SH3GL2: variants seen among roughly 807,000 people sequenced by gnomAD.
The protein encoded by SH3GL2 is SH3 domain containing GRB2 like 2, endophilin A1.
Under a neutral mutation model 46.0 loss-of-function variants are expected in SH3GL2, and 24 were observed. That is an observed-to-expected ratio of 0.52 (90% CI 0.38 to 0.73). The LOEUF (loss-of-function observed/expected upper bound fraction) is 0.73. Ranked by LOEUF, SH3GL2 falls within the 30% of genes least tolerant of loss-of-function variation. The pLI, the probability that SH3GL2 is intolerant of heterozygous loss-of-function variation, is 0.00. For synonymous variants in SH3GL2, 196 were observed against 147.1 expected, an observed-to-expected ratio of 1.33 and a Z score of -2.40; for missense variants, 413 against 424.2, an observed-to-expected ratio of 0.97 and a Z score of 0.23.
chr9:17,779,971 G>T (rs571678843), intron 3 of SH3GL2, among the ~76,000 whole-genome samples: 2 of 152,298 alleles, frequency 1.3e-5, no homozygotes, highest in African/African-American at 4.8e-5. Flanking sequence ...GACGAACACA[G>T]TGGTTCTCAA....
At chr9:17,748,960 T>A (rs766030063) in intron 2 of SH3GL2, among the ~76,000 whole-genome samples, 4 of 151,954 alleles carry the variant, frequency 2.6e-5, no homozygotes, top group Admixed American at 1.3e-4. Flanking sequence ...AGAGGCAGGG[T>A]CCTGTGAAAT....
At chr9:17,589,232 C>G (rs561766895) in intron 1 of SH3GL2, 6 of 152,228 alleles carry the variant, frequency 3.9e-5, no homozygotes, top group Non-Finnish European at 7.3e-5. Flanking sequence ...ATGGGGCGAT[C>G]ACAGCTCACT....
chr9:17,692,509 G>A (rs1019986163), intron 1 of SH3GL2, among the ~76,000 whole-genome samples: 2 of 151,972 alleles, frequency 1.3e-5, no homozygotes, highest in Admixed American at 6.6e-5. Context: ...AGCTGGGTCT[G>A]GTGGTGCATG....
intron 1 of SH3GL2, among the ~76,000 whole-genome samples, chr9:17,694,000 C>T (rs1000174668): frequency 2.0e-5 from 3 of 152,158 alleles, no homozygotes; most frequent in African/African-American, 7.2e-5. Context: ...TTCCTACTTT[C>T]TTCCATGCCT....
chr9:17,793,301 A>G (rs1352359236), intron 7 of SH3GL2, 66 bp from the exon 8 acceptor site: 2 of 1,418,520 alleles, frequency 1.4e-6, no homozygotes, highest in African/African-American at 2.9e-5. Flanking sequence ...GAATCTTTAT[A>G]TTTGCTTTTC....
chr9:17,760,631 C>G (rs960396868), intron 2 of SH3GL2, among the ~76,000 whole-genome samples: 2 of 152,124 alleles, frequency 1.3e-5, no homozygotes, highest in Non-Finnish European at 2.9e-5. Context: ...AATTTAATCA[C>G]TTTCATTTAT....
chr9:17,640,944 G>A (rs1381108950), intron 1 of SH3GL2, among the ~76,000 whole-genome samples: 2 of 152,048 alleles, frequency 1.3e-5, no homozygotes, highest in East Asian at 1.9e-4. Flanking sequence ...GTAAATATAG[G>A]AAAGCTTCCT....
chr9:17,624,163 C>T (rs1819223761), intron 1 of SH3GL2, among the ~76,000 whole-genome samples: 1 of 152,208 alleles, frequency 6.6e-6, no homozygotes, highest in African/African-American at 2.4e-5. Context: ...GATGCAATCT[C>T]AGTTGGAATA....
intron 1 of SH3GL2, among the ~76,000 whole-genome samples, chr9:17,683,622 C>G (rs930991618): frequency 6.6e-6 from 1 of 152,050 alleles, no homozygotes; most frequent in Non-Finnish European, 1.5e-5. Context: ...CTGCCTAAGA[C>G]TGAGGTTGAA....
chr9:17,757,862 A>T (rs576063044), intron 2 of SH3GL2, among the ~76,000 whole-genome samples: 2 of 152,314 alleles, frequency 1.3e-5, no homozygotes, highest in African/African-American at 4.8e-5. Context: ...TTAGGTATAT[A>T]AATAACTCTT....
At chr9:17,612,965 T>C (rs1236560939) in intron 1 of SH3GL2, among the ~76,000 whole-genome samples, 1 of 152,218 alleles carries the variant, frequency 6.6e-6, no homozygotes, top group Admixed American at 6.5e-5. Context: ...CTTTAGTGTC[T>C]GAATTTTTTT....
chr9:17,722,783 C>T (rs1401848007), intron 1 of SH3GL2, among the ~76,000 whole-genome samples: 3 of 152,016 alleles, frequency 2.0e-5, no homozygotes, highest in African/African-American at 7.2e-5. Context: ...TAGCCATTTT[C>T]TTCTGTCAGT....
chr9:17,669,463 A>T (rs1320742860), intron 1 of SH3GL2, among the ~76,000 whole-genome samples: 1 of 152,192 alleles, frequency 6.6e-6, no homozygotes, highest in African/African-American at 2.4e-5. Context: ...CAACCACAGA[A>T]ATGTTCTCCA....
At chr9:17,640,986 A>G (rs1283653124) in intron 1 of SH3GL2, among the ~76,000 whole-genome samples, 4 of 152,208 alleles carry the variant, frequency 2.6e-5, no homozygotes, top group Admixed American at 2.0e-4. Context: ...GGCATAAATA[A>G]TAAGTAAAAC....
intron 1 of SH3GL2, among the ~76,000 whole-genome samples, chr9:17,582,583 A>G (rs1693230588): frequency 6.6e-6 from 1 of 152,252 alleles, no homozygotes; most frequent in Admixed American, 6.5e-5. Context: ...ATGTGGACAC[A>G]TTTTGCTTTA....
intron 1 of SH3GL2, among the ~76,000 whole-genome samples, chr9:17,664,026 G>A (rs921119958): frequency 1.3e-5 from 2 of 152,108 alleles, no homozygotes; most frequent in African/African-American, 4.8e-5. Context: ...ACGTAAAAAT[G>A]TGGTGGTGGT....
intron 1 of SH3GL2, among the ~76,000 whole-genome samples, chr9:17,697,406 T>C (rs1821231540): frequency 7.0e-6 from 1 of 142,762 alleles, no homozygotes; most frequent in African/African-American, 2.4e-5. Context: ...GTATTTTTAG[T>C]AGAGACAGGG....
Position 17,789,451 on chromosome 9 carries a change from A to G in SH3GL2, c.525A>G (p.Gln175=), listed in dbSNP as rs369036700. Residue 175 remains glutamine, a synonymous_variant, in exon 6 of 9, where the codon CAA becomes CAG. Transcript: ENST00000380607. The part of the protein sequence containing the change: ...RLDFDYKKKR[Q]GKIPDEELRQ... ...ATTTTGATTATAAGAAGAAACGACAAGGCAAGATTCCGGATGAAGAGCTTC... is the reference window on the plus strand; with the variant it reads ...ATTTTGATTATAAGAAGAAACGACAGGGCAAGATTCCGGATGAAGAGCTTC... 2 of 1,613,542 alleles carry G rather than the reference A, an allele frequency of 1.2e-6. No homozygotes were observed. The highest frequency in any genetic ancestry group is 1.7e-6 in the Non-Finnish European group (2 of 1,179,620).
chr9:17,706,985 G>A (rs73422676), intron 1 of SH3GL2, among the ~76,000 whole-genome samples: 5,060 of 151,914 alleles, frequency 0.033, 218 homozygotes, highest in East Asian at 0.1. Flanking sequence ...TAGGCAATTT[G>A]TATATATATA....
Sources: allele counts gnomAD v4.1 joint callset (sites outside exome capture counted in the v4.1 genomes callset), GRCh38; gene constraint gnomAD v4.1.1; transcripts MANE v1.5; gene names NCBI Gene and HGNC (gene_info 2026-07-23, HGNC 2026-07-21).